TBC1D15: variants seen among roughly 807,000 people sequenced by gnomAD.
TBC1D15 encodes TBC1 domain family member 15.
A neutral mutation model predicts 95.4 loss-of-function variants in TBC1D15; 39 were observed. The ratio of observed to expected loss-of-function variants is 0.41; its 90% CI spans 0.32 to 0.53. The LOEUF is 0.53. Ranked by LOEUF, TBC1D15 falls within the 20% of genes least tolerant of loss-of-function variation. TBC1D15 has a pLI of 0.29. For missense variants in TBC1D15, 733 were observed against 794.3 expected, an observed-to-expected ratio of 0.92 and a Z score of 0.93; for synonymous variants, 258 against 261.3, an observed-to-expected ratio of 0.99 and a Z score of 0.12.
At chr12:71,882,288 C>G (rs559564973) in intron 4 of TBC1D15, among the ~76,000 whole-genome samples, 1 of 152,116 alleles carries the variant, frequency 6.6e-6, no homozygotes, top group Non-Finnish European at 1.5e-5. Context: ...ATATACCAGA[C>G]AAGTTAAATG....
chr12:71,878,202 A>T (rs1894371737), intron 3 of TBC1D15, among the ~76,000 whole-genome samples: 1 of 152,176 alleles, frequency 6.6e-6, no homozygotes, highest in South Asian at 2.1e-4. Context: ...ACTTTCAGTT[A>T]ATTCTCCTGA....
At chr12:71,848,367 T>C (rs997074411) in intron 1 of TBC1D15, among the ~76,000 whole-genome samples, 5 of 152,258 alleles carry the variant, frequency 3.3e-5, no homozygotes, top group Admixed American at 1.3e-4. Context: ...TCAGTCATTT[T>C]AATTTTAGCC....
At chr12:71,874,871 C>T (rs927197015) in intron 3 of TBC1D15, among the ~76,000 whole-genome samples, 5 of 152,012 alleles carry the variant, frequency 3.3e-5, no homozygotes, top group Non-Finnish European at 7.4e-5. Context: ...GATCTGCCCG[C>T]CTCTGCCTCC....
Position 71,880,511 on chromosome 12 carries a change from A to G in TBC1D15, c.247A>G (p.Arg83Gly). 6.2e-6 allele frequency: 10 copies of G among 1,611,854 alleles called. No homozygotes were observed. The highest frequency in any genetic ancestry group is 8.5e-6 in the Non-Finnish European group (10 of 1,178,640). The change falls in exon 4 of 17, where the codon AGA (arginine) becomes GGA (glycine). Residue 83 changes from arginine (R) to glycine (G), a missense_variant. Coordinates refer to ENST00000485960, the MANE Select transcript of TBC1D15 (RefSeq NM_001146213.3). ...VVEWTQAPKERGHRGSEHLNS... is the reference protein window; with the variant it reads ...VVEWTQAPKEGGHRGSEHLNS... Reference sequence around the variant, plus strand: ...AGAATGGACTCAGGCCCCAAAAGAAAGAGGTCATCGAGGATCAGAACATCT... The same window carrying G: ...AGAATGGACTCAGGCCCCAAAAGAAGGAGGTCATCGAGGATCAGAACATCT...
At position 71,920,733 on chromosome 12, in the gene TBC1D15, A is replaced by G; in HGVS notation, c.1602A>G (p.Val534=). The G allele has an allele frequency of 6.2e-7, 1 of 1,608,820 alleles. No homozygotes were observed. The highest frequency in any genetic ancestry group is 8.5e-7 in the Non-Finnish European group (1 of 1,176,498). Residue 534 remains valine, a splice_region_variant and synonymous_variant, in exon 15 of 17, where the codon GTA becomes GTG. Transcript: ENST00000485960. ...SFLDILRLWE[V]MWTELPCTNF... is the part of the protein sequence containing the mutation. ...AATAGTTCTTCTGCCTTCTATAGGT[A>G]ATGTGGACCGAACTACCATGTACAA...
chr12:71,863,540 C>T (rs75091023), intron 1 of TBC1D15, among the ~76,000 whole-genome samples: 14,737 of 152,050 alleles, frequency 0.097, 842 homozygotes, highest in East Asian at 0.16. Context: ...TATTTGGGGA[C>T]TTGTGAGCTT....
intron 10 of TBC1D15, 55 bp downstream of exon 10, chr12:71,897,996 G>A (rs1203153090): frequency 1.5e-6 from 2 of 1,332,048 alleles, no homozygotes; most frequent in African/African-American, 2.9e-5. Flanking sequence ...TTGAAATCTT[G>A]ATAAGAGTAA....
At chr12:71,847,446 C>G (rs1464980394) in intron 1 of TBC1D15, among the ~76,000 whole-genome samples, 1 of 151,950 alleles carries the variant, frequency 6.6e-6, no homozygotes, top group Non-Finnish European at 1.5e-5. Context: ...CCTGTAATCC[C>G]AGCACTTTGA....
At chr12:71,840,152 C>T (rs1884567280) in intron 1 of TBC1D15, among the ~76,000 whole-genome samples, 1 of 152,180 alleles carries the variant, frequency 6.6e-6, no homozygotes, top group Admixed American at 6.5e-5. Context: ...TTCTTTATGT[C>T]TACTCTTCTG....
chr12:71,845,592 C>T (rs980481670), intron 1 of TBC1D15, among the ~76,000 whole-genome samples: 7 of 152,256 alleles, frequency 4.6e-5, no homozygotes, highest in African/African-American at 1.7e-4. Context: ...GGGTGTGGAG[C>T]CCATTAGGAT....
chr12:71,900,100 C>T (rs985432144), intron 10 of TBC1D15, among the ~76,000 whole-genome samples: 4 of 151,962 alleles, frequency 2.6e-5, no homozygotes, highest in East Asian at 1.9e-4. Flanking sequence ...GACTAGAAAA[C>T]GGGCAGTTAG....
At chr12:71,873,109 A>G in intron 3 of TBC1D15, 106 bp downstream of exon 3, 3 of 737,440 alleles carry the variant, frequency 4.1e-6, no homozygotes, top group South Asian at 2.2e-5. Context: ...AAAGCATACA[A>G]TTCAGTGGTT....
At chr12:71,887,146 T>C (rs1428647833) in intron 5 of TBC1D15, among the ~76,000 whole-genome samples, 1 of 139,230 alleles carries the variant, frequency 7.2e-6, no homozygotes. Flanking sequence ...TATTTTCTAC[T>C]TATTGAAACC....
intron 6 of TBC1D15, 144 bp from the exon 7 acceptor site, chr12:71,894,542 T>C: frequency 9.1e-7 from 1 of 1,095,386 alleles, no homozygotes; most frequent in South Asian, 1.6e-5. Context: ...AGAAAGAAAA[T>C]ACAAATTTAA....
At chr12:71,899,447 G>C (rs1256892531) in intron 10 of TBC1D15, among the ~76,000 whole-genome samples, 4 of 152,128 alleles carry the variant, frequency 2.6e-5, no homozygotes, top group Non-Finnish European at 5.9e-5. Flanking sequence ...CATGCTTTCT[G>C]CCAGTAGAAG....
chr12:71,855,462 T>C (rs981195099), intron 1 of TBC1D15, among the ~76,000 whole-genome samples: 4 of 151,886 alleles, frequency 2.6e-5, no homozygotes, highest in Non-Finnish European at 5.9e-5. Flanking sequence ...TGCCAGGAGA[T>C]TGAGACCATC....
chr12:71,875,857 G>A (rs1445666473), intron 3 of TBC1D15, among the ~76,000 whole-genome samples: 3 of 151,876 alleles, frequency 2.0e-5, no homozygotes, highest in Non-Finnish European at 4.4e-5. Flanking sequence ...GAGTACCGTG[G>A]CATGATCTCG....
At chr12:71,861,621 A>G in intron 1 of TBC1D15, 2 of 774,524 alleles carry the variant, frequency 2.6e-6, no homozygotes, top group African/African-American at 1.8e-5. Context: ...ATGGTTTGTC[A>G]ATTTTGGCTG....
At chr12:71,869,409 G>A (rs1356525581) in intron 1 of TBC1D15, among the ~76,000 whole-genome samples, 1 of 152,200 alleles carries the variant, frequency 6.6e-6, no homozygotes, top group Non-Finnish European at 1.5e-5. Flanking sequence ...TGTAATCCCA[G>A]CTACTCGGGA....
Sources: allele counts gnomAD v4.1 joint callset (sites outside exome capture counted in the v4.1 genomes callset), GRCh38; gene constraint gnomAD v4.1.1; transcripts MANE v1.5; gene names NCBI Gene and HGNC (gene_info 2026-07-23, HGNC 2026-07-21).